The following CFAP58 variants were observed in gnomAD, a reference collection of about 807,000 sequenced individuals.
CFAP58 encodes cilia and flagella associated protein 58, also known as cilia- and flagella-associated protein 58.
A neutral mutation model predicts 119.5 loss-of-function variants in CFAP58; 88 were observed. That is an observed-to-expected ratio of 0.74 (90% CI 0.62 to 0.88). CFAP58 has a LOEUF of 0.88. Ranked by LOEUF, CFAP58 falls within the 40% of genes least tolerant of loss-of-function variation. The pLI, the probability that CFAP58 is intolerant of heterozygous loss-of-function variation, is 0.00. For synonymous variants in CFAP58, 365 were observed against 366.3 expected, an observed-to-expected ratio of 1.00 and a Z score of 0.04; for missense variants, 990 against 1,021.2, an observed-to-expected ratio of 0.97 and a Z score of 0.42.
the CFAP58 span, among the ~76,000 whole-genome samples, chr10:104,341,201 A>G: frequency 6.6e-6 from 1 of 152,150 alleles, no homozygotes; most frequent in South Asian, 2.1e-4. Context: ...AGTTACAATA[A>G]GAAATTAAAA....
chr10:104,427,355 G>T (rs1589932359), intron 15 of CFAP58, among the ~76,000 whole-genome samples: 1 of 152,072 alleles, frequency 6.6e-6, no homozygotes, highest in Non-Finnish European at 1.5e-5. Flanking sequence ...CTTCAATATT[G>T]CCATGGTCTG....
At position 104,454,708 on chromosome 10, in the gene CFAP58, G is replaced by A. The variant is rs1475526677; in HGVS notation, c.*178G>A. On this transcript the variant is annotated 3_prime_UTR_variant, in exon 18 of 18. Coordinates refer to ENST00000369704, the MANE Select transcript of CFAP58 (RefSeq NM_001008723.2). ...AGGGATGGTGTTTTGTCTGGTTCACGTTGATATTAACAGATCATAATTCTC... is the reference window on the plus strand; with the variant it reads ...AGGGATGGTGTTTTGTCTGGTTCACATTGATATTAACAGATCATAATTCTC... The A allele has an allele frequency of 1.7e-5, 10 of 584,902 alleles. No individual in the cohort carries two copies. The highest frequency in any genetic ancestry group is 9.4e-5 in the Admixed American group (3 of 31,860). The allele number at this position is 584,902 out of a possible 1,614,324, so 36.2% of individuals were successfully genotyped here.
chr10:104,357,624 G>A (rs2014559938), intron 1 of CFAP58, among the ~76,000 whole-genome samples: 1 of 152,098 alleles, frequency 6.6e-6, no homozygotes, highest in South Asian at 2.1e-4. Flanking sequence ...TTGGCTAAAT[G>A]TTTAACATCA....
chr10:104,356,522 A>T (rs936128911), intron 1 of CFAP58, among the ~76,000 whole-genome samples: 1 of 152,234 alleles, frequency 6.6e-6, no homozygotes, highest in South Asian at 2.1e-4. Context: ...TGCAAGCCTT[A>T]TGAGTCCTTT....
intron 12 of CFAP58, among the ~76,000 whole-genome samples, chr10:104,399,723 G>A (rs12257680): frequency 0.15 from 23,118 of 151,910 alleles, 1,971 homozygotes; most frequent in Middle Eastern, 0.32. Flanking sequence ...CTAGGGACAC[G>A]TTGGCCACCA....
upstream of CFAP58, among the ~76,000 whole-genome samples, chr10:104,349,791 G>A (rs1238746585): frequency 2.6e-5 from 4 of 152,228 alleles, no homozygotes; most frequent in African/African-American, 9.6e-5. Flanking sequence ...CTGGGGAAGT[G>A]AGACTGAAAG....
intron 17 of CFAP58, among the ~76,000 whole-genome samples, chr10:104,452,134 A>G (rs1275430120): frequency 1.3e-5 from 2 of 152,086 alleles, no homozygotes; most frequent in Non-Finnish European, 2.9e-5. Flanking sequence ...TTTACCTGCA[A>G]TGTATTTTAA....
At chr10:104,338,563 G>T in the CFAP58 span, among the ~76,000 whole-genome samples, 1 of 152,234 alleles carries the variant, frequency 6.6e-6, no homozygotes, top group African/African-American at 2.4e-5. Context: ...GGGTTTCGGT[G>T]GTTGGGCCCA....
intron 2 of CFAP58, among the ~76,000 whole-genome samples, chr10:104,361,375 T>A (rs2014664167): frequency 6.6e-6 from 1 of 152,178 alleles, no homozygotes; most frequent in Non-Finnish European, 1.5e-5. Flanking sequence ...TACAATTAGG[T>A]AACAGTAAAG....
chr10:104,381,130 A>G (rs1489736893), intron 9 of CFAP58, among the ~76,000 whole-genome samples: 2 of 152,170 alleles, frequency 1.3e-5, no homozygotes, highest in African/African-American at 4.8e-5. Context: ...AGCCTGGGCA[A>G]CAGAGTGAGA....
At chr10:104,362,248 C>A in intron 3 of CFAP58, 77 bp downstream of exon 3, 1 of 1,302,610 alleles carries the variant, frequency 7.7e-7, no homozygotes. Context: ...TGGGGCTTGC[C>A]AGTGTCTTCT....
chr10:104,357,697 C>A (rs2014560916), intron 1 of CFAP58, among the ~76,000 whole-genome samples: 2 of 151,754 alleles, frequency 1.3e-5, no homozygotes, highest in Non-Finnish European at 2.9e-5. Context: ...TATCCTAATG[C>A]ATATATATTC....
chr10:104,339,846 C>A, the CFAP58 span, among the ~76,000 whole-genome samples: 1 of 152,194 alleles, frequency 6.6e-6, no homozygotes, highest in Admixed American at 6.5e-5. Flanking sequence ...AGCTGTATTT[C>A]CAAAATGTCT....
At chr10:104,370,572 C>G (rs568106220) in intron 6 of CFAP58, among the ~76,000 whole-genome samples, 1 of 152,280 alleles carries the variant, frequency 6.6e-6, no homozygotes, top group African/African-American at 2.4e-5. Flanking sequence ...CCATCGGGTT[C>G]CTCCCACAAC....
intron 9 of CFAP58, among the ~76,000 whole-genome samples, chr10:104,388,431 G>A (rs148282352): frequency 8.3e-4 from 127 of 152,230 alleles, no homozygotes; most frequent in Non-Finnish European, 1.5e-3. Context: ...AATATAATAT[G>A]TTATGCAATT....
At chr10:104,338,923 GAGA>G in the CFAP58 span, among the ~76,000 whole-genome samples, 1 of 78,134 alleles carries the variant, frequency 1.3e-5, no homozygotes, top group Admixed American at 1.3e-4. Context: ...TTTTTTTTTT[GAGA>G]AGGAGTTTCG....
chr10:104,410,998 G>C (rs573536986), intron 15 of CFAP58, among the ~76,000 whole-genome samples: 13 of 152,048 alleles, frequency 8.5e-5, no homozygotes, highest in Non-Finnish European at 1.8e-4. Flanking sequence ...GGAATGCAGT[G>C]GTGCAATCTT....
At chr10:104,437,182 G>T (rs1451309542) in intron 15 of CFAP58, among the ~76,000 whole-genome samples, 1 of 152,206 alleles carries the variant, frequency 6.6e-6, no homozygotes, top group Non-Finnish European at 1.5e-5. Flanking sequence ...CAGGTTTGTT[G>T]TGTGGATTTA....
intron 2 of CFAP58, among the ~76,000 whole-genome samples, chr10:104,358,993 T>C (rs1431427365): frequency 6.6e-6 from 1 of 152,224 alleles, no homozygotes; most frequent in Non-Finnish European, 1.5e-5. Context: ...TTTCTGCTTT[T>C]TCTCCTGTTT....
Sources: gnomAD v4.1 joint callset for allele counts (sites outside exome capture counted in the v4.1 genomes callset) on GRCh38, gnomAD v4.1.1 for gene constraint, MANE v1.5 for transcripts, NCBI Gene and HGNC (gene_info 2026-07-23, HGNC 2026-07-21) for gene names.